The following AGBL4 variants were observed in gnomAD, a reference collection of about 807,000 sequenced individuals.
AGBL4 encodes the protein AGBL carboxypeptidase 4, also known as cytosolic carboxypeptidase 6.
In AGBL4, 58 loss-of-function variants were observed where a neutral mutation model predicts 66.4. The ratio of observed to expected loss-of-function variants is 0.87; its 90% CI spans 0.71 to 1.09. The LOEUF (loss-of-function observed/expected upper bound fraction) is 1.09, where lower values mean the gene tolerates loss of function less well. Among genes scored for constraint, AGBL4 ranks in the 50% least tolerant of loss-of-function variants. The probability of loss-of-function intolerance (pLI) is 0.00; values close to 1 mark genes in which losing one functional copy is unlikely to be tolerated. For synonymous variants in AGBL4, 234 were observed against 222.9 expected (o/e 1.05, Z -0.44); for missense variants, 579 against 631.0 (o/e 0.92, Z 0.88).
intron 3 of AGBL4, among the ~76,000 whole-genome samples, chr1:49,553,588 A>G (rs1294893449): frequency 1.3e-5 from 2 of 152,182 alleles, no homozygotes; most frequent in Non-Finnish European, 2.9e-5. Flanking sequence ...GTTGGAGTAG[A>G]TAAGTACAAC....
chr1:49,436,621 G>A (rs1288667752), intron 3 of AGBL4, among the ~76,000 whole-genome samples: 8 of 151,904 alleles, frequency 5.3e-5, no homozygotes, highest in African/African-American at 1.9e-4. Context: ...AAGAACAAAG[G>A]GAAGAGAAAA....
intron 2 of AGBL4, chr1:49,845,732 CG>C: frequency 1.3e-6 from 2 of 1,592,328 alleles, no homozygotes; most frequent in Admixed American, 1.7e-5. Flanking sequence ...AGGATTTACA[CG>C]GGAGAGAAGC....
chr1:49,396,340 ATG>A (rs897645022), intron 3 of AGBL4, among the ~76,000 whole-genome samples: 9 of 149,928 alleles, frequency 6.0e-5, no homozygotes, highest in South Asian at 2.1e-4. Context: ...TTGTGTATGA[ATG>A]TGTGTGTGTG....
intron 3 of AGBL4, among the ~76,000 whole-genome samples, chr1:49,576,649 T>C (rs1644442243): frequency 6.6e-6 from 1 of 152,176 alleles, no homozygotes; most frequent in Admixed American, 6.5e-5. Flanking sequence ...CAGCGTTCCA[T>C]CATCAAATGG....
At chr1:48,704,276 C>A (rs138213211) in intron 6 of AGBL4, among the ~76,000 whole-genome samples, 35 of 152,156 alleles carry the variant, frequency 2.3e-4, no homozygotes, top group Admixed American at 1.8e-3. Context: ...GAAGAACTGG[C>A]GGTGGTGAGC....
intron 1 of AGBL4, among the ~76,000 whole-genome samples, chr1:50,005,964 G>C (rs1661095353): frequency 6.6e-6 from 1 of 151,974 alleles, no homozygotes. Flanking sequence ...AGTAAGAGGA[G>C]ACAAAATAAA....
intron 3 of AGBL4, among the ~76,000 whole-genome samples, chr1:49,648,245 G>C (rs1645930319): frequency 6.6e-6 from 1 of 151,636 alleles, no homozygotes; most frequent in East Asian, 1.9e-4. Flanking sequence ...GCTTAATATA[G>C]GCTGGACACA....
At chr1:48,864,311 A>C (rs538728484) in intron 6 of AGBL4, among the ~76,000 whole-genome samples, 1 of 152,320 alleles carries the variant, frequency 6.6e-6, no homozygotes, top group Admixed American at 6.5e-5. Context: ...GCTGCAGAGG[A>C]ATGAAAACTC....
intron 11 of AGBL4, among the ~76,000 whole-genome samples, chr1:48,573,193 C>T (rs1204856436): frequency 6.6e-6 from 1 of 152,210 alleles, no homozygotes; most frequent in Non-Finnish European, 1.5e-5. Context: ...AGGAATCATC[C>T]CTTCTTTGAG....
intron 3 of AGBL4, among the ~76,000 whole-genome samples, chr1:49,439,828 C>G (rs1645985058): frequency 6.6e-6 from 1 of 152,164 alleles, no homozygotes; most frequent in African/African-American, 2.4e-5. Flanking sequence ...TTCCTTGCTC[C>G]TCAGCTATTG....
chr1:49,985,313 C>T (rs1659409704), intron 1 of AGBL4, among the ~76,000 whole-genome samples: 1 of 152,020 alleles, frequency 6.6e-6, no homozygotes, highest in African/African-American at 2.4e-5. Flanking sequence ...AGGAAGGTGA[C>T]TCAAAGACAG....
rs940328985 is a variant in AGBL4 at position 49,739,599 on chromosome 1, C to A, written c.158-42162G>T. On this transcript the variant is annotated intron_variant, in intron 2 of 13. Transcript: ENST00000371839. ...AAGAAGAGCAACTCCAAGACACATA[C>A]TTGTCAGATTCACCAAAGTTGAAAT... Among the ~76,000 whole-genome samples the A allele has an allele frequency of 2.0e-4, 31 of 152,240 alleles. 1 individual carries two copies. The highest frequency in any genetic ancestry group is 6.0e-4 in the African/African-American group (25 of 41,538).
intron 6 of AGBL4, among the ~76,000 whole-genome samples, chr1:48,776,253 T>G (rs1389054893): frequency 1.3e-5 from 2 of 151,538 alleles, no homozygotes; most frequent in African/African-American, 4.9e-5. Flanking sequence ...AAAGAGAAGG[T>G]GAGAGAGAAA....
chr1:49,705,216 G>A (rs923649966), intron 2 of AGBL4, among the ~76,000 whole-genome samples: 4 of 152,012 alleles, frequency 2.6e-5, no homozygotes, highest in Non-Finnish European at 5.9e-5. Flanking sequence ...CTCATGATTT[G>A]GCTTTCTGTT....
At chr1:49,117,810 C>A (rs1213116498) in intron 4 of AGBL4, among the ~76,000 whole-genome samples, 2 of 152,140 alleles carry the variant, frequency 1.3e-5, no homozygotes, top group Non-Finnish European at 2.9e-5. Context: ...TTACCTTGGG[C>A]AGTATGGCCA....
chr1:48,757,622 A>G (rs1289326392), intron 6 of AGBL4, among the ~76,000 whole-genome samples: 1 of 152,216 alleles, frequency 6.6e-6, no homozygotes, highest in Non-Finnish European at 1.5e-5. Context: ...CTCTCTGCTG[A>G]CTTCTTGGAC....
chr1:49,158,817 C>A (rs1427330044), intron 4 of AGBL4, among the ~76,000 whole-genome samples: 1 of 151,482 alleles, frequency 6.6e-6, no homozygotes, highest in African/African-American at 2.4e-5. Flanking sequence ...TACCATTATG[C>A]AATGCCCTTC....
intron 1 of AGBL4, among the ~76,000 whole-genome samples, chr1:49,918,552 T>G (rs1203532256): frequency 6.6e-6 from 1 of 152,124 alleles, no homozygotes. Context: ...GTTGAATCCC[T>G]GAATAGACCA....
intron 4 of AGBL4, among the ~76,000 whole-genome samples, chr1:49,183,105 C>A (rs1283657538): frequency 2.6e-5 from 4 of 152,116 alleles, no homozygotes; most frequent in Non-Finnish European, 5.9e-5. Context: ...GTGAGTGATT[C>A]TTCTGTCCCA....
Sources: allele counts gnomAD v4.1 joint callset (sites outside exome capture counted in the v4.1 genomes callset), GRCh38; gene constraint gnomAD v4.1.1; transcripts MANE v1.5; gene names NCBI Gene and HGNC (gene_info 2026-07-23, HGNC 2026-07-21).